Variants in TMEM108 observed in about 807,000 individuals in gnomAD.
The protein encoded by TMEM108 is cancer/testis antigen 124.
A neutral mutation model predicts 35.1 loss-of-function variants in TMEM108; 12 were observed. The ratio of observed to expected loss-of-function variants is 0.34; its 90% CI spans 0.22 to 0.55. The LOEUF is 0.55. TMEM108 is among the 20% of genes least tolerant of loss of function. The pLI is 0.89. For synonymous variants in TMEM108, 287 were observed against 308.6 expected, an observed-to-expected ratio of 0.93 and a Z score of 0.73; for missense variants, 680 against 753.3, an observed-to-expected ratio of 0.90 and a Z score of 1.14.
intron 2 of TMEM108, among the ~76,000 whole-genome samples, chr3:133,191,653 G>A (rs753525105): frequency 1.1e-4 from 16 of 152,104 alleles, no homozygotes; most frequent in African/African-American, 1.9e-4. Flanking sequence ...TCTTGCACTG[G>A]CCATTAAAGT....
chr3:133,175,528 A>G (rs1945205365), intron 2 of TMEM108, among the ~76,000 whole-genome samples: 1 of 152,178 alleles, frequency 6.6e-6, no homozygotes, highest in Non-Finnish European at 1.5e-5. Context: ...CAACATTCTT[A>G]AAGAAAAGAA....
intron 3 of TMEM108, among the ~76,000 whole-genome samples, chr3:133,373,380 TAGATGATAGATA>T (rs2107821508): frequency 8.7e-6 from 1 of 114,996 alleles, no homozygotes; most frequent in African/African-American, 3.4e-5. Flanking sequence ...TTTAGATAGA[TAGATGATAGATA>T]GATAGATAGA....
rs116154170 is a variant in TMEM108, at chr3:133,387,805, G to A, written c.1451-2375G>A. On this transcript the variant is annotated intron_variant, in intron 4 of 5. Coordinates refer to ENST00000321871, the MANE Select transcript of TMEM108 (RefSeq NM_023943.4). ...ACTTACTCAAGTCATGCAAGTAATAGATTGTCACCTAGATTCTAATTCTAA... is the reference window on the plus strand; with the variant it reads ...ACTTACTCAAGTCATGCAAGTAATAAATTGTCACCTAGATTCTAATTCTAA... 1,347 of 981,320 alleles carry A rather than the reference G, an allele frequency of 1.4e-3. 14 individuals are homozygous for A. In the African/African-American group the frequency reaches 0.022, roughly 16 times the overall value. The allele number at this position is 981,320 out of a possible 1,614,324, so 60.8% of individuals were successfully genotyped here.
chr3:133,257,784 C>G lies in TMEM108; in HGVS notation c.40+28433C>G, dbSNP rs557303721. 8.5e-5 allele frequency among the ~76,000 whole-genome samples: 13 copies of G among 152,260 alleles called. No homozygotes were observed. The East Asian group carries it at 2.3e-3, about 27-fold the overall frequency. On this transcript the variant is annotated intron_variant, in intron 3 of 5. Coordinates refer to ENST00000321871, the MANE Select transcript of TMEM108 (RefSeq NM_023943.4). ...ATACTGCCTAGTTGTAAACTTCAGC[C>G]AGTTGTCTGTTGAGAAAGACAGGTG... is the stretch of plus-strand genomic sequence containing the variant.
intron 2 of TMEM108, among the ~76,000 whole-genome samples, chr3:133,071,535 G>A (rs770145771): frequency 1.3e-5 from 2 of 152,168 alleles, no homozygotes; most frequent in Non-Finnish European, 2.9e-5. Context: ...GAGGATCATA[G>A]TTTAGCCCAT....
intron 2 of TMEM108, among the ~76,000 whole-genome samples, chr3:133,221,726 A>G (rs1945996129): frequency 8.3e-6 from 1 of 121,208 alleles, no homozygotes; most frequent in African/African-American, 3.2e-5. Flanking sequence ...TGTGTTTACC[A>G]TGAGGCTTAC....
At chr3:133,217,547 G>C (rs1945927580) in intron 2 of TMEM108, among the ~76,000 whole-genome samples, 1 of 151,896 alleles carries the variant, frequency 6.6e-6, no homozygotes, top group South Asian at 2.1e-4. Context: ...TCTAGTAGTA[G>C]ATTTACAGTT....
chr3:133,311,692 C>T (rs1418813816), intron 3 of TMEM108, among the ~76,000 whole-genome samples: 1 of 152,188 alleles, frequency 6.6e-6, no homozygotes, highest in Non-Finnish European at 1.5e-5. Flanking sequence ...TATTACCAAC[C>T]TTCTGAAGCC....
At chr3:133,202,134 T>C (rs564572915) in intron 2 of TMEM108, among the ~76,000 whole-genome samples, 1 of 150,100 alleles carries the variant, frequency 6.7e-6, no homozygotes, top group African/African-American at 2.4e-5. Context: ...TTTGCCTACT[T>C]TTTGATGGGG....
At chr3:133,189,690 G>A (rs866908316) in intron 2 of TMEM108, among the ~76,000 whole-genome samples, 1 of 152,138 alleles carries the variant, frequency 6.6e-6, no homozygotes, top group Non-Finnish European at 1.5e-5. Context: ...TATGCCCCTT[G>A]ACTGTATTCC....
intron 2 of TMEM108, among the ~76,000 whole-genome samples, chr3:133,116,695 G>A (rs894952992): frequency 6.6e-6 from 1 of 152,104 alleles, no homozygotes; most frequent in African/African-American, 2.4e-5. Context: ...TTTGCCAAGC[G>A]CTCTTGTTGT....
Position 133,380,760 on chromosome 3 carries a change from C to T in TMEM108, c.1049C>T (p.Ser350Phe), listed in dbSNP as rs1230630350. The change falls in exon 4 of 6, where the codon TCT (serine) becomes TTT (phenylalanine). Residue 350 changes from serine (S) to phenylalanine (F), a missense_variant. Around this residue, in one of 3 missense-constraint regions of TMEM108, gnomAD observed 526 missense variants for 532.1 expected, o/e 0.99. Transcript: ENST00000321871. This position sits in a 1 kb window ranked among gnomAD's most constrained non-coding sequence, Gnocchi z 5.3. ...PGTSRPLSTSSGVFTAATGPT... is the reference protein window; with the variant it reads ...PGTSRPLSTSFGVFTAATGPT... The stretch of plus-strand genomic sequence containing the variant: ...ACCAGCAGACCTCTGTCTACCAGCT[C>T]TGGGGTCTTCACGGCTGCCACGGGG... 4 of 1,614,056 alleles carry T rather than the reference C, an allele frequency of 2.5e-6. No homozygotes were observed. Among genetic ancestry groups the T allele is most frequent in the South Asian group, 2.2e-5 (2 of 91,088 alleles).
chr3:133,230,662 C>G (rs917002916), intron 3 of TMEM108, among the ~76,000 whole-genome samples: 2 of 152,034 alleles, frequency 1.3e-5, no homozygotes, highest in African/African-American at 4.8e-5. Flanking sequence ...GGCTTTGTAG[C>G]CAGAAAAACA....
rs1271416652 is a variant in TMEM108, at chr3:133,097,782, T to C, written c.-47+51762T>C. On this transcript the variant is annotated intron_variant, in intron 2 of 5. Transcript: ENST00000321871. ...GATGAGGTCTATTAGTAAAGAACTATGTGGCCCATTATAACCCATTACTGT... is the reference window on the plus strand; with the variant it reads ...GATGAGGTCTATTAGTAAAGAACTACGTGGCCCATTATAACCCATTACTGT... Among the ~76,000 whole-genome samples the C allele has an allele frequency of 2.6e-5, 4 of 152,330 alleles. No individual in the cohort carries two copies. In the South Asian group the frequency reaches 6.2e-4, roughly 24 times the overall value.
intron 2 of TMEM108, chr3:133,124,985 AG>A (rs948294333): frequency 2.6e-5 from 4 of 152,222 alleles, no homozygotes; most frequent in Non-Finnish European, 4.4e-5. Flanking sequence ...AGATTAACTC[AG>A]GAAAATTATA....
chr3:133,393,907 T>C (rs2073269833), intron 5 of TMEM108, among the ~76,000 whole-genome samples: 1 of 152,106 alleles, frequency 6.6e-6, no homozygotes, highest in Non-Finnish European at 1.5e-5. Flanking sequence ...GAGGCTCTGG[T>C]AGAAAGGGCT....
At chr3:133,283,314 A>AGT (rs558866405) in intron 3 of TMEM108, among the ~76,000 whole-genome samples, 4 of 152,200 alleles carry the variant, frequency 2.6e-5, no homozygotes, top group Non-Finnish European at 5.9e-5. Flanking sequence ...ATTATCTACC[A>AGT]GTGTGAGGGA....
At chr3:133,358,391 C>T (rs772847070) in intron 3 of TMEM108, among the ~76,000 whole-genome samples, 2 of 152,036 alleles carry the variant, frequency 1.3e-5, no homozygotes, top group Non-Finnish European at 2.9e-5. Context: ...AGATTGGTCT[C>T]GAACTCCTGA....
At chr3:133,377,798 TCACCACCGGAG>T (rs2072885062) in intron 3 of TMEM108, among the ~76,000 whole-genome samples, 1 of 23,804 alleles carries the variant, frequency 4.2e-5, no homozygotes, top group Non-Finnish European at 1.0e-4. Flanking sequence ...TGAGCCAGCA[TCACCACCGGAG>T]CATCACCGCC....
Sources: gnomAD v4.1 joint callset for allele counts (sites outside exome capture counted in the v4.1 genomes callset) on GRCh38, gnomAD v4.1.1 for gene constraint, gnomAD v4.1.1 regional missense constraint, Gnocchi (gnomAD v3.1) non-coding constraint, MANE v1.5 for transcripts, NCBI Gene and HGNC (gene_info 2026-07-23, HGNC 2026-07-21) for gene names.